VPS41: variants seen among roughly 807,000 people sequenced by gnomAD.
VPS41 encodes vacuolar protein sorting-associated protein 41 homolog.
In VPS41, 85 loss-of-function variants were observed where a neutral mutation model predicts 130.9. That is an observed-to-expected ratio of 0.65 (90% CI 0.55 to 0.78). The LOEUF (loss-of-function observed/expected upper bound fraction) is 0.78, where lower values mean the gene tolerates loss of function less well. VPS41 is among the 30% of genes least tolerant of loss of function. The pLI, the probability that VPS41 is intolerant of heterozygous loss-of-function variation, is 0.00. For missense variants in VPS41, 874 were observed against 1,018.7 expected, an observed-to-expected ratio of 0.86 and a Z score of 1.93; for synonymous variants, 335 against 332.9, an observed-to-expected ratio of 1.01 and a Z score of -0.07.
chr7:38,819,238 C>T (rs1233786722), intron 6 of VPS41, among the ~76,000 whole-genome samples: 2 of 152,238 alleles, frequency 1.3e-5, no homozygotes, highest in Non-Finnish European at 2.9e-5. Flanking sequence ...GCTCAGTCCA[C>T]TTCCTTCATG....
At chr7:38,906,969 A>T (rs149545710) in intron 1 of VPS41, among the ~76,000 whole-genome samples, 1 of 152,122 alleles carries the variant, frequency 6.6e-6, no homozygotes, top group Non-Finnish European at 1.5e-5. Context: ...ATTTAACACA[A>T]ATTTATTAAG....
chr7:38,896,630 G>A (rs1029868938), intron 2 of VPS41, among the ~76,000 whole-genome samples: 1 of 152,116 alleles, frequency 6.6e-6, no homozygotes, highest in African/African-American at 2.4e-5. Context: ...TGTGACCCGG[G>A]GAGCCAAAAG....
chr7:38,840,755 T>A (rs1296573072), intron 4 of VPS41, among the ~76,000 whole-genome samples: 2 of 152,216 alleles, frequency 1.3e-5, no homozygotes, highest in Non-Finnish European at 2.9e-5. Flanking sequence ...TCAGTCCCCA[T>A]TAGCAAATGG....
At chr7:38,743,684 G>T in intron 23 of VPS41, 142 bp from the exon 24 acceptor site, 1 of 913,604 alleles carries the variant, frequency 1.1e-6, no homozygotes, top group Non-Finnish European at 1.6e-6. Context: ...AACATTTACT[G>T]TCTATAACAT....
intron 4 of VPS41, among the ~76,000 whole-genome samples, chr7:38,859,709 C>T (rs1032389658): frequency 2.0e-5 from 3 of 152,132 alleles, no homozygotes; most frequent in Non-Finnish European, 4.4e-5. Flanking sequence ...ACAAAATTGC[C>T]TAACGCCACA....
intron 27 of VPS41, among the ~76,000 whole-genome samples, chr7:38,728,189 C>T (rs1033256304): frequency 6.6e-6 from 1 of 152,084 alleles, no homozygotes; most frequent in East Asian, 1.9e-4. Context: ...AAAGAAGGGC[C>T]CCTGAACCAG....
intron 9 of VPS41, among the ~76,000 whole-genome samples, chr7:38,795,130 GAGA>G (rs2115977394): frequency 6.6e-6 from 1 of 151,784 alleles, no homozygotes; most frequent in South Asian, 2.1e-4. Flanking sequence ...GAATAATAAA[GAGA>G]AGAAAACCTG....
intron 10 of VPS41, among the ~76,000 whole-genome samples, chr7:38,780,060 G>A (rs995225668): frequency 6.6e-6 from 1 of 151,390 alleles, no homozygotes; most frequent in Non-Finnish European, 1.5e-5. Context: ...TACTACAGAA[G>A]CTCATTTTCA....
At position 38,789,866 on chromosome 7, in the gene VPS41, A is replaced by G. The variant is rs757778989; in HGVS notation, c.719T>C (p.Val240Ala). ...GGCATGCCGTTCCTTCACTGAGCAC[A>G]CCTGGAAAATAAGTTCGCAGGTTAT... ...LIIGWGTSVK[V>A]CSVKERHASE... The change falls in exon 10 of 29, where the codon GTG (valine) becomes GCG (alanine). Residue 240 changes from valine (V) to alanine (A), a missense_variant and splice_region_variant. Physicochemically the swap from Val to Ala is moderately conservative, Grantham distance 64. Coordinates refer to ENST00000310301, the MANE Select transcript of VPS41 (RefSeq NM_014396.4). 1.9e-6 allele frequency: 3 copies of G among 1,613,656 alleles called. No homozygotes were observed. The highest frequency in any genetic ancestry group is 2.5e-6 in the Non-Finnish European group (3 of 1,179,654).
chr7:38,852,044 G>C (rs917821176), intron 4 of VPS41, among the ~76,000 whole-genome samples: 4 of 152,268 alleles, frequency 2.6e-5, no homozygotes, highest in Admixed American at 6.5e-5. Context: ...TGGAAGTATA[G>C]CCGCACCAGA....
chr7:38,744,992 T>C (rs1036922983), intron 23 of VPS41, among the ~76,000 whole-genome samples: 7 of 152,178 alleles, frequency 4.6e-5, no homozygotes, highest in Non-Finnish European at 1.0e-4. Flanking sequence ...CAACCCACAT[T>C]GTTGTCATGC....
At chr7:38,909,036 A>T in intron 1 of VPS41, 118 bp downstream of exon 1, 1 of 864,518 alleles carries the variant, frequency 1.2e-6, no homozygotes, top group Non-Finnish European at 1.8e-6. Flanking sequence ...CCTGCCGCGG[A>T]CCTGCCTTGC....
chr7:38,851,636 T>C (rs1785858049), intron 4 of VPS41, among the ~76,000 whole-genome samples: 2 of 152,248 alleles, frequency 1.3e-5, no homozygotes, highest in Admixed American at 1.3e-4. Context: ...CATATTCATG[T>C]AGAAATCTTT....
chr7:38,727,085 C>T, intron 27 of VPS41, 97 bp from the exon 28 acceptor site: 1 of 1,202,034 alleles, frequency 8.3e-7, no homozygotes. Flanking sequence ...GTTTAATTTT[C>T]AGCAATAAGG....
At chr7:38,811,594 CAT>C (rs1784943665) in intron 7 of VPS41, among the ~76,000 whole-genome samples, 2 of 136,680 alleles carry the variant, frequency 1.5e-5, no homozygotes, top group Non-Finnish European at 3.1e-5. Flanking sequence ...CTTGTTTTGT[CAT>C]ACACACACAC....
intron 8 of VPS41, chr7:38,796,392 G>T (rs1784620457): frequency 4.4e-6 from 2 of 456,716 alleles, no homozygotes; most frequent in African/African-American, 2.0e-5. Context: ...TTCTGCACTT[G>T]TTTCATATCA....
intron 2 of VPS41, among the ~76,000 whole-genome samples, chr7:38,880,366 A>T (rs113751257): frequency 1.4e-4 from 22 of 152,072 alleles, no homozygotes; most frequent in Admixed American, 4.6e-4. Context: ...ATTTAAAAAA[A>T]TTTTTTTTCA....
intron 25 of VPS41, chr7:38,741,413 A>T: frequency 3.7e-6 from 1 of 273,646 alleles, no homozygotes; most frequent in Non-Finnish European, 7.4e-6. Flanking sequence ...TTTATATGAA[A>T]ATAATGAGTT....
intron 4 of VPS41, among the ~76,000 whole-genome samples, chr7:38,848,041 A>C (rs1348518862): frequency 6.6e-6 from 1 of 152,216 alleles, no homozygotes; most frequent in African/African-American, 2.4e-5. Context: ...ATTTGACTCT[A>C]CTTCCACCAC....
Sources: allele counts gnomAD v4.1 joint callset (sites outside exome capture counted in the v4.1 genomes callset), GRCh38; gene constraint gnomAD v4.1.1; transcripts MANE v1.5; gene names NCBI Gene and HGNC (gene_info 2026-07-23, HGNC 2026-07-21).